Variants in PSKH1 observed in about 807,000 individuals in gnomAD.
PSKH1 encodes the protein protein serine kinase H1.
PSKH1 carries 12 observed loss-of-function variants against 26.7 expected under a neutral mutation model. That is an observed-to-expected ratio of 0.45 (90% CI 0.29 to 0.73). The LOEUF (loss-of-function observed/expected upper bound fraction) is 0.73. PSKH1 is among the 30% of genes least tolerant of loss of function. PSKH1 has a pLI of 0.11. For synonymous variants in PSKH1, 213 were observed against 234.3 expected, an observed-to-expected ratio of 0.91 and a Z score of 0.83; for missense variants, 431 against 595.2, an observed-to-expected ratio of 0.72 and a Z score of 2.87.
In PSKH1 at chr16:67,909,776, TCA is replaced by T; in HGVS notation, c.957+71_957+72del. 1 of 1,411,528 alleles carries T rather than the reference TCA, an allele frequency of 7.1e-7. No homozygotes were observed. Among genetic ancestry groups the T allele is most frequent in the Non-Finnish European group, 9.7e-7 (1 of 1,028,204 alleles). The allele number at this position is 1,411,528 out of a possible 1,614,324, so 87.4% of individuals were successfully genotyped here. A position where few individuals can be genotyped will look rare whatever the true frequency, so the allele number is the denominator to read the frequency against. On this transcript the variant is annotated intron_variant, in intron 2 of 2. Coordinates refer to ENST00000291041, the MANE Select transcript of PSKH1 (RefSeq NM_006742.3). This position sits in a 1 kb window ranked among gnomAD's most constrained non-coding sequence, Gnocchi z 7.8. ...CGGGGGCAGGTATATCCTGCAGCTC[TCA>T]GTCAGAGGTATGTCCTCAGGGCCAT...
chr16:67,927,766 T>C lies in PSKH1; in HGVS notation c.*124T>C. 8.5e-7 allele frequency: 1 copy of C among 1,171,114 alleles called. No homozygotes were observed. The highest frequency in any genetic ancestry group is 1.2e-6 in the Non-Finnish European group (1 of 850,060). 72.5% of individuals were successfully genotyped at this position (1,171,114 alleles called of 1,614,324 possible). ...CCACAGTAGGTGAAGAATGTCTGGC[T>C]CCAGCCCTTTCTCTGTGCCTTCAGC... On this transcript the variant is annotated 3_prime_UTR_variant, in exon 3 of 3. Transcript: ENST00000291041. This position sits in a 1 kb window ranked among gnomAD's most constrained non-coding sequence, Gnocchi z 5.5.
intron 1 of PSKH1, among the ~76,000 whole-genome samples, chr16:67,897,948 T>C (rs2058131023): frequency 6.6e-6 from 1 of 151,938 alleles, no homozygotes; most frequent in Non-Finnish European, 1.5e-5. Flanking sequence ...TCCGGGTTCA[T>C]GCCATTCTCC....
intron 1 of PSKH1, among the ~76,000 whole-genome samples, chr16:67,895,733 C>A (rs995563225): frequency 1.3e-5 from 2 of 152,074 alleles, no homozygotes; most frequent in Admixed American, 1.3e-4. Flanking sequence ...AGAAAACTTC[C>A]CAGGTAACTT....
chr16:67,910,405 C>T (rs1290638961), intron 2 of PSKH1, among the ~76,000 whole-genome samples: 1 of 152,238 alleles, frequency 6.6e-6, no homozygotes, highest in Non-Finnish European at 1.5e-5. Flanking sequence ...CAGAGAGCAG[C>T]TTCTCATCAC....
chr16:67,900,512 T>G (rs1208812092), intron 1 of PSKH1, among the ~76,000 whole-genome samples: 1 of 152,152 alleles, frequency 6.6e-6, no homozygotes, highest in Admixed American at 6.5e-5. Context: ...GATCAAGGCC[T>G]TGACTGGATG....
chr16:67,912,698 G>A (rs770525677), intron 2 of PSKH1, among the ~76,000 whole-genome samples: 5 of 152,140 alleles, frequency 3.3e-5, no homozygotes, highest in African/African-American at 4.8e-5. Context: ...GTGAAACCCC[G>A]TCTCTACTAA....
chr16:67,901,154 A>G (rs1402031455), intron 1 of PSKH1, among the ~76,000 whole-genome samples: 4 of 151,316 alleles, frequency 2.6e-5, no homozygotes, highest in African/African-American at 9.7e-5. Flanking sequence ...CTCTTGGCCA[A>G]TTTGGTCTAA....
rs1057293271 is a variant in PSKH1 at position 67,927,038 on chromosome 16, G to T, written c.958-287G>T. Reference sequence around the variant, plus strand: ...ATACTCCTGGGACAAGTTCGGGGGGGTCTTGGCAGAGGCCATCTCCCTGAG... The same window carrying T: ...ATACTCCTGGGACAAGTTCGGGGGGTTCTTGGCAGAGGCCATCTCCCTGAG... On this transcript the variant is annotated intron_variant, in intron 2 of 2. Coordinates refer to ENST00000291041, the MANE Select transcript of PSKH1 (RefSeq NM_006742.3). The surrounding 1 kb of genome is among the most constrained non-coding windows in gnomAD (Gnocchi z 5.5). Among the ~76,000 whole-genome samples the T allele has an allele frequency of 6.6e-6, 1 of 152,226 alleles. No individual in the cohort carries two copies. Among genetic ancestry groups the T allele is most frequent in the Non-Finnish European group, 1.5e-5 (1 of 68,052 alleles).
chr16:67,909,743 G>A lies in PSKH1; in HGVS notation c.957+37G>A. The A allele has an allele frequency of 1.5e-5, 24 of 1,571,022 alleles. No individual in the cohort carries two copies. Among genetic ancestry groups the A allele is most frequent in the Non-Finnish European group, 2.1e-5 (24 of 1,154,648 alleles). ...CTGCCCCTGTCCTGGATGTTGGGGA[G>A]GCACCTGCGGGGGCAGGTATATCCT... On this transcript the variant is annotated intron_variant, in intron 2 of 2. Transcript: ENST00000291041. The surrounding 1 kb of genome is among the most constrained non-coding windows in gnomAD (Gnocchi z 7.8).
intron 2 of PSKH1, among the ~76,000 whole-genome samples, chr16:67,917,024 A>G (rs368371252): frequency 6.6e-6 from 1 of 152,176 alleles, no homozygotes; most frequent in Non-Finnish European, 1.5e-5. Flanking sequence ...TTCTGCCTCA[A>G]CTGTTCACGC....
At chr16:67,917,450 A>C (rs761866387) in intron 2 of PSKH1, among the ~76,000 whole-genome samples, 1 of 152,242 alleles carries the variant, frequency 6.6e-6, no homozygotes, top group African/African-American at 2.4e-5. Flanking sequence ...ATGTACATCA[A>C]TACATATGCT....
chr16:67,925,219 C>T (rs1439803095), intron 2 of PSKH1, among the ~76,000 whole-genome samples: 3 of 149,014 alleles, frequency 2.0e-5, no homozygotes, highest in Non-Finnish European at 4.4e-5. Flanking sequence ...TTTTTTGAGA[C>T]GGAGTCTCGC....
chr16:67,905,828 C>T (rs779205933), intron 1 of PSKH1, among the ~76,000 whole-genome samples: 144 of 152,232 alleles, frequency 9.5e-4, no homozygotes, highest in Non-Finnish European at 4.3e-4. Context: ...CAGTGCACTC[C>T]AGCCTGGGTG....
At chr16:67,904,927 C>A (rs1330662345) in intron 1 of PSKH1, among the ~76,000 whole-genome samples, 1 of 150,968 alleles carries the variant, frequency 6.6e-6, no homozygotes, top group East Asian at 2.0e-4. Flanking sequence ...CCCGCATTCA[C>A]GCCATTCTCC....
At chr16:67,900,913 A>C (rs1458068841) in intron 1 of PSKH1, among the ~76,000 whole-genome samples, 1 of 152,108 alleles carries the variant, frequency 6.6e-6, no homozygotes, top group Non-Finnish European at 1.5e-5. Context: ...GGCTAGGGGC[A>C]CACACAAGAG....
intron 1 of PSKH1, among the ~76,000 whole-genome samples, chr16:67,895,033 C>T (rs748048588): frequency 2.7e-5 from 4 of 150,812 alleles, no homozygotes; most frequent in Non-Finnish European, 4.4e-5. Flanking sequence ...AAGTGATTCT[C>T]CTGCCTCAGC....
rs1358532827 is a variant in PSKH1 at position 67,927,994 on chromosome 16, T to C, written c.*352T>C. Reference sequence around the variant, plus strand: ...TGACTTTTCCCCAATCAAAGGGAACTGCAGTGCTGGGTGGAGTGTCCTGTG... The same window carrying C: ...TGACTTTTCCCCAATCAAAGGGAACCGCAGTGCTGGGTGGAGTGTCCTGTG... On this transcript the variant is annotated 3_prime_UTR_variant, in exon 3 of 3. Coordinates refer to ENST00000291041, the MANE Select transcript of PSKH1 (RefSeq NM_006742.3). The surrounding 1 kb of genome is among the most constrained non-coding windows in gnomAD (Gnocchi z 5.5). The C allele has an allele frequency of 1.7e-5, 5 of 297,584 alleles. No homozygotes were observed. 18.4% of individuals were successfully genotyped at this position (297,584 alleles called of 1,614,324 possible).
Position 67,909,815 on chromosome 16 carries a change from C to A in PSKH1, c.957+109C>A. 1 of 1,017,594 alleles carries A rather than the reference C, an allele frequency of 9.8e-7. No individual in the cohort carries two copies. Among genetic ancestry groups the A allele is most frequent in the Non-Finnish European group, 1.4e-6 (1 of 697,598 alleles). The allele number at this position is 1,017,594 out of a possible 1,614,324, so 63.0% of individuals were successfully genotyped here. A position where few individuals can be genotyped will look rare whatever the true frequency, so the allele number is the denominator to read the frequency against. On this transcript the variant is annotated intron_variant, in intron 2 of 2. Coordinates refer to ENST00000291041, the MANE Select transcript of PSKH1 (RefSeq NM_006742.3). This position sits in a 1 kb window ranked among gnomAD's most constrained non-coding sequence, Gnocchi z 7.8. Reference sequence around the variant, plus strand: ...GTCCTCAGGGCCATGCTCGTGAGGGCCAGGCAGGTCATATAAAAGGGACAA... The same window carrying A: ...GTCCTCAGGGCCATGCTCGTGAGGGACAGGCAGGTCATATAAAAGGGACAA...
chr16:67,914,650 C>T (rs544618348), intron 2 of PSKH1, among the ~76,000 whole-genome samples: 36 of 152,160 alleles, frequency 2.4e-4, no homozygotes, highest in African/African-American at 7.9e-4. Context: ...GACGGGGTTT[C>T]GGCATATTGG....
Sources: gnomAD v4.1 joint callset for allele counts (sites outside exome capture counted in the v4.1 genomes callset) on GRCh38, gnomAD v4.1.1 for gene constraint, Gnocchi (gnomAD v3.1) non-coding constraint, MANE v1.5 for transcripts, NCBI Gene and HGNC (gene_info 2026-07-23, HGNC 2026-07-21) for gene names.